SMURF2: variants seen among roughly 807,000 people sequenced by gnomAD.
SMURF2 encodes SMAD specific E3 ubiquitin protein ligase 2.
A neutral mutation model predicts 109.6 loss-of-function variants in SMURF2; 48 were observed. The ratio of observed to expected loss-of-function variants is 0.44; its 90% CI spans 0.35 to 0.56. SMURF2 has a LOEUF of 0.56. Among genes scored for constraint, SMURF2 ranks in the 20% least tolerant of loss-of-function variants. The pLI, the probability that SMURF2 is intolerant of heterozygous loss-of-function variation, is 0.01. For missense variants in SMURF2, 575 were observed against 909.0 expected (o/e 0.63, Z 4.72); for synonymous variants, 288 against 317.1 (o/e 0.91, Z 0.97).
intron 1 of SMURF2, among the ~76,000 whole-genome samples, chr17:64,645,408 TC>T (rs1385551766): frequency 1.8e-4 from 27 of 152,202 alleles, no homozygotes; most frequent in African/African-American, 6.3e-4. Context: ...GAGAGGGGTA[TC>T]AGGTACAGTG....
At chr17:64,617,458 G>T (rs1041343637) in intron 1 of SMURF2, among the ~76,000 whole-genome samples, 1 of 152,048 alleles carries the variant, frequency 6.6e-6, no homozygotes, top group Non-Finnish European at 1.5e-5. Flanking sequence ...TTTCAACAAG[G>T]CAAAATTGGT....
chr17:64,573,462 T>G (rs9906016), intron 9 of SMURF2, among the ~76,000 whole-genome samples: 7,780 of 152,198 alleles, frequency 0.051, 337 homozygotes, highest in African/African-American at 0.12. Context: ...GGACCTATAT[T>G]TGCCAAAGCA....
chr17:64,645,143 A>C (rs1970543313), intron 1 of SMURF2, among the ~76,000 whole-genome samples: 1 of 152,232 alleles, frequency 6.6e-6, no homozygotes, highest in African/African-American at 2.4e-5. Flanking sequence ...ATGAAATTTA[A>C]GAAAAGACAA....
At chr17:64,636,839 T>G (rs1302693916) in intron 1 of SMURF2, among the ~76,000 whole-genome samples, 4 of 151,996 alleles carry the variant, frequency 2.6e-5, no homozygotes, top group African/African-American at 9.6e-5. Context: ...CCTTATCAGG[T>G]ATAATTTATA....
rs11455884 is a variant in SMURF2, at chr17:64,590,888, CT to C, written c.400+195del. The stretch of plus-strand genomic sequence containing the variant: ...GAAGGATCAACAGTTCTTCACAAAA[CT>C]TTTTTTTTTTTTTACATTAAAGTTT... On this transcript the variant is annotated intron_variant, in intron 5 of 18. Coordinates refer to ENST00000262435, the MANE Select transcript of SMURF2 (RefSeq NM_022739.4). 1.5e-3 allele frequency among the ~76,000 whole-genome samples: 226 copies of C among 147,122 alleles called. 1 individual carries two copies. Among genetic ancestry groups the C allele is most frequent in the South Asian group, 4.5e-3 (21 of 4,668 alleles).
intron 1 of SMURF2, among the ~76,000 whole-genome samples, chr17:64,627,520 T>C (rs1226642073): frequency 6.6e-6 from 1 of 152,192 alleles, no homozygotes; most frequent in Non-Finnish European, 1.5e-5. Context: ...CTGACAGTTT[T>C]CTCCATTAGA....
chr17:64,600,602 C>T (rs1329295061), intron 2 of SMURF2, among the ~76,000 whole-genome samples: 4 of 152,124 alleles, frequency 2.6e-5, no homozygotes, highest in Admixed American at 1.3e-4. Context: ...AAAATTTAGG[C>T]GTTAAGTTTC....
At chr17:64,584,870 C>G (rs1555686944) in intron 6 of SMURF2, among the ~76,000 whole-genome samples, 3 of 152,076 alleles carry the variant, frequency 2.0e-5, no homozygotes, top group Non-Finnish European at 1.5e-5. Context: ...GAACAATAAG[C>G]CTTATTACTG....
At chr17:64,616,654 C>G (rs1420727853) in intron 1 of SMURF2, among the ~76,000 whole-genome samples, 1 of 84,954 alleles carries the variant, frequency 1.2e-5, no homozygotes, top group Non-Finnish European at 2.5e-5. Flanking sequence ...GACTCTGTCT[C>G]AAAAAAAAAA....
Position 64,555,790 on chromosome 17 carries a change from T to C in SMURF2, c.1610+30A>G, listed in dbSNP as rs534181951. 32 of 1,459,206 alleles carry C rather than the reference T, an allele frequency of 2.2e-5. No homozygotes were observed. In the African/African-American group the frequency reaches 4.1e-4, roughly 19 times the overall value. The allele number at this position is 1,459,206 out of a possible 1,614,324, so 90.4% of individuals were successfully genotyped here. ...ATTTTTTTTTAAAGCTCAGAGTTTA[T>C]AATGAAGAGATAGAAGACTCAATAC... On this transcript the variant is annotated intron_variant, in intron 14 of 18. Coordinates refer to ENST00000262435, the MANE Select transcript of SMURF2 (RefSeq NM_022739.4).
Position 64,575,831 on chromosome 17 carries a change from T to G in SMURF2, c.857+2661A>C, listed in dbSNP as rs933459281. On this transcript the variant is annotated intron_variant, in intron 9 of 18. Coordinates refer to ENST00000262435, the MANE Select transcript of SMURF2 (RefSeq NM_022739.4). ...TGTATGTGCAACATACAAAGTTGAT[T>G]TAGAATTTAATTTAGAATTCAAGCT... Among the ~76,000 whole-genome samples the G allele has an allele frequency of 3.3e-5, 5 of 151,964 alleles. 1 individual carries two copies. Among genetic ancestry groups the G allele is most frequent in the African/African-American group, 1.2e-4 (5 of 41,262 alleles).
rs544428979 is a variant in SMURF2, at chr17:64,592,364, T to C, written c.334+1076A>G. ...TCATTTTTTCCAATCCCAGTGTCTT[T>C]TCTCTACTGTTGGTTACCCTGTCAG... On this transcript the variant is annotated intron_variant, in intron 4 of 18. Coordinates refer to ENST00000262435, the MANE Select transcript of SMURF2 (RefSeq NM_022739.4). Among the ~76,000 whole-genome samples the C allele has an allele frequency of 5.3e-5, 8 of 152,350 alleles. No individual in the cohort carries two copies. In the South Asian group the frequency reaches 1.7e-3, roughly 32 times the overall value.
At chr17:64,559,872 C>T (rs1174363689) in intron 12 of SMURF2, among the ~76,000 whole-genome samples, 3 of 151,482 alleles carry the variant, frequency 2.0e-5, no homozygotes, top group East Asian at 2.0e-4. Flanking sequence ...CTCAGCCTCC[C>T]GAATAGCTGG....
In SMURF2 at chr17:64,606,558, A is replaced by G. The variant is rs1555689064; in HGVS notation, c.91+44T>C. On this transcript the variant is annotated intron_variant, in intron 2 of 18. Coordinates refer to ENST00000262435, the MANE Select transcript of SMURF2 (RefSeq NM_022739.4). Reference sequence around the variant, plus strand: ...GAGAATTCTGAAAACGCTGTTCCCAAAGATCTACATACAATACACAAGATT... The same window carrying G: ...GAGAATTCTGAAAACGCTGTTCCCAGAGATCTACATACAATACACAAGATT... 4.4e-6 allele frequency: 6 copies of G among 1,356,844 alleles called. No homozygotes were observed. In the South Asian group the frequency reaches 8.1e-5, roughly 18 times the overall value. The allele number at this position is 1,356,844 out of a possible 1,614,324, so 84.1% of individuals were successfully genotyped here.
In SMURF2 at chr17:64,661,922, G is replaced by A; in HGVS notation, c.-42C>T. On this transcript the variant is annotated 5_prime_UTR_variant, in exon 1 of 19. Transcript: ENST00000262435. ...GCGGCGGGGGCGGCGGGCGGCACGG[G>A]GGCGACGGCGAGGCGCGGCGGAGTC... The A allele has an allele frequency of 1.7e-6, 2 of 1,166,018 alleles. No homozygotes were observed. The highest frequency in any genetic ancestry group is 2.1e-6 in the Non-Finnish European group (2 of 945,978). The allele number at this position is 1,166,018 out of a possible 1,614,324, so 72.2% of individuals were successfully genotyped here.
chr17:64,589,423 TAAG>T (rs1969718363), intron 5 of SMURF2, among the ~76,000 whole-genome samples: 1 of 151,376 alleles, frequency 6.6e-6, no homozygotes, highest in Non-Finnish European at 1.5e-5. Flanking sequence ...CTTCTCAATC[TAAG>T]AATGACAGGA....
At chr17:64,566,959 C>A (rs919056056) in intron 10 of SMURF2, among the ~76,000 whole-genome samples, 1 of 151,644 alleles carries the variant, frequency 6.6e-6, no homozygotes. Context: ...CACCCTCTAC[C>A]TCCCAGGTTC....
intron 1 of SMURF2, among the ~76,000 whole-genome samples, chr17:64,624,339 A>ACTTTTT (rs1970240497): frequency 3.3e-5 from 5 of 150,186 alleles, no homozygotes; most frequent in East Asian, 4.0e-4. Flanking sequence ...TCTATAAAAA[A>ACTTTTT]AAATTTTTTT....
intron 2 of SMURF2, among the ~76,000 whole-genome samples, chr17:64,604,902 C>CCACT (rs1271254376): frequency 6.6e-6 from 1 of 151,806 alleles, no homozygotes; most frequent in East Asian, 1.9e-4. Context: ...CGAGATCACA[C>CCACT]CACTGCACTC....
Sources: allele counts gnomAD v4.1 joint callset (sites outside exome capture counted in the v4.1 genomes callset), GRCh38; gene constraint gnomAD v4.1.1; transcripts MANE v1.5; gene names NCBI Gene and HGNC (gene_info 2026-07-23, HGNC 2026-07-21).